Variants in DNAH11 observed in about 807,000 individuals in gnomAD.
DNAH11 encodes dynein axonemal heavy chain 11.
A neutral mutation model predicts 526.0 loss-of-function variants in DNAH11; 442 were observed. The observed-to-expected ratio is 0.84, with a 90% CI of 0.78 to 0.91. The LOEUF (loss-of-function observed/expected upper bound fraction) is 0.91, where lower values mean the gene tolerates loss of function less well. Among genes scored for constraint, DNAH11 ranks in the 40% least tolerant of loss-of-function variants. DNAH11 has a pLI of 0.00. For synonymous variants in DNAH11, 2,461 were observed against 1,935.9 expected, an observed-to-expected ratio of 1.27 and a Z score of -7.12; for missense variants, 6,989 against 5,448.7, an observed-to-expected ratio of 1.28 and a Z score of -8.90.
chr7:21,625,070 T>A (rs1023839441), intron 25 of DNAH11, among the ~76,000 whole-genome samples: 6 of 148,806 alleles, frequency 4.0e-5, no homozygotes, highest in Non-Finnish European at 9.0e-5. Context: ...TTGGAAGTAT[T>A]TCTCCTTAAG....
chr7:21,812,002 A>T (rs1327189792), intron 63 of DNAH11, among the ~76,000 whole-genome samples: 1 of 152,180 alleles, frequency 6.6e-6, no homozygotes, highest in African/African-American at 2.4e-5. Context: ...ATCGGAAGCC[A>T]GGGATGGGGG....
At chr7:21,558,658 C>T (rs1414736771) in intron 2 of DNAH11, 144 bp from the exon 3 acceptor site, 2 of 635,924 alleles carry the variant, frequency 3.1e-6, no homozygotes, top group East Asian at 5.7e-5. Context: ...AAATGGGTCA[C>T]TGACTTTATC....
intron 66 of DNAH11, among the ~76,000 whole-genome samples, chr7:21,848,166 C>CAAA (rs58058317): frequency 4.5e-5 from 4 of 88,986 alleles, no homozygotes; most frequent in African/African-American, 1.7e-4. Context: ...GACTCTGTTT[C>CAAA]AAAAAAAAAA....
At chr7:21,766,413 G>C (rs985625707) in intron 55 of DNAH11, among the ~76,000 whole-genome samples, 1 of 152,136 alleles carries the variant, frequency 6.6e-6, no homozygotes. Context: ...AAGGTGAAAG[G>C]TTCCTAGAAT....
chr7:21,668,689 A>G (rs1782518907), intron 30 of DNAH11, among the ~76,000 whole-genome samples: 1 of 152,192 alleles, frequency 6.6e-6, no homozygotes, highest in Non-Finnish European at 1.5e-5. Context: ...GTTATTGCTT[A>G]CTAATAATAC....
At position 21,880,868 on chromosome 7, in the gene DNAH11, A is replaced by G. The variant is rs1381771115; in HGVS notation, c.12362A>G (p.Tyr4121Cys). 2.5e-6 allele frequency: 4 copies of G among 1,609,314 alleles called. No homozygotes were observed. The highest frequency in any genetic ancestry group is 3.4e-6 in the Non-Finnish European group (4 of 1,178,804). The change falls in exon 75 of 82, where the codon TAC becomes TGC. Residue 4121 changes from tyrosine (Y) to cysteine (C), a missense_variant. By Grantham distance (194) the Tyr-to-Cys change is radical (BLOSUM62 -2). Coordinates refer to ENST00000409508, the MANE Select transcript of DNAH11 (RefSeq NM_001277115.2). The part of the protein sequence containing the change: ...GDLTICASVL[Y>C]NYLEANSKVP... ...CTCACCATTTGTGCCAGTGTCCTCT[A>G]CAACTACTTAGAGGCAAACTCTAAA...
intron 32 of DNAH11, 145 bp from the exon 33 acceptor site, chr7:21,686,954 C>A: frequency 1.6e-6 from 1 of 633,564 alleles, no homozygotes; most frequent in African/African-American, 1.9e-5. Flanking sequence ...TTCATTATTG[C>A]CATGAACAAA....
chr7:21,588,473 G>A lies in DNAH11; in HGVS notation c.1849-39G>A. 9 of 1,609,814 alleles carry A rather than the reference G, an allele frequency of 5.6e-6. 1 individual carries two copies. The highest frequency in any genetic ancestry group is 2.2e-5 in the South Asian group (2 of 90,544). On this transcript the variant is annotated intron_variant, in intron 10 of 81. Transcript: ENST00000409508. Reference sequence around the variant, plus strand: ...GGGTTGGAAACCATTCTGACTAAATGTTCCCTTTCTTCCTCTTCACCAAAA... The same window carrying A: ...GGGTTGGAAACCATTCTGACTAAATATTCCCTTTCTTCCTCTTCACCAAAA...
chr7:21,742,681 A>G (rs544691863), intron 49 of DNAH11, among the ~76,000 whole-genome samples: 1 of 152,346 alleles, frequency 6.6e-6, no homozygotes, highest in South Asian at 2.1e-4. Flanking sequence ...AAAACAGCTT[A>G]AAACTATGCT....
At position 21,599,838 on chromosome 7, in the gene DNAH11, T is replaced by C. The variant is rs752678376; in HGVS notation, c.2719T>C (p.Tyr907His). The change falls in exon 15 of 82, where the codon TAT becomes CAT. Residue 907 changes from tyrosine to histidine, a missense_variant. By Grantham distance (83) the Tyr-to-His change is moderately conservative. Coordinates refer to ENST00000409508, the MANE Select transcript of DNAH11 (RefSeq NM_001277115.2). ...ANPSLDTWKIYVEFIDDIVVE... is the reference protein window; with the variant it reads ...ANPSLDTWKIHVEFIDDIVVE... Reference sequence around the variant, plus strand: ...TCCCTCTCTGGATACCTGGAAAATTTATGTAGAATTCATTGACGACATTGT... The same window carrying C: ...TCCCTCTCTGGATACCTGGAAAATTCATGTAGAATTCATTGACGACATTGT... 1.3e-6 allele frequency: 2 copies of C among 1,595,188 alleles called. No individual in the cohort carries two copies. Among genetic ancestry groups the C allele is most frequent in the Non-Finnish European group, 1.7e-6 (2 of 1,167,916 alleles).
Position 21,786,818 on chromosome 7 carries a change from T to G in DNAH11, c.9741+51T>G, listed in dbSNP as rs1788215516. The G allele has an allele frequency of 7.5e-6, 12 of 1,606,276 alleles. No homozygotes were observed. The South Asian group carries it at 1.3e-4, about 18-fold the overall frequency. ...AAATCCTGATAATTTCCATACTGTTTTCAGTACTGTGGTTATGCTTAATAG... is the reference window on the plus strand; with the variant it reads ...AAATCCTGATAATTTCCATACTGTTGTCAGTACTGTGGTTATGCTTAATAG... On this transcript the variant is annotated intron_variant, in intron 59 of 81. Transcript: ENST00000409508.
At chr7:21,668,525 C>T (rs146303517) in intron 30 of DNAH11, among the ~76,000 whole-genome samples, 6 of 152,234 alleles carry the variant, frequency 3.9e-5, no homozygotes, top group African/African-American at 7.2e-5. Context: ...AATAAACTGT[C>T]CTTTATCTCT....
At chr7:21,589,571 A>G (rs76142702) in intron 12 of DNAH11, among the ~76,000 whole-genome samples, 168 bp downstream of exon 12, 1 of 152,144 alleles carries the variant, frequency 6.6e-6, no homozygotes, top group Admixed American at 6.5e-5. Flanking sequence ...TTGTTTCTCA[A>G]ATTCTACTAA....
intron 63 of DNAH11, among the ~76,000 whole-genome samples, chr7:21,809,852 C>G (rs1789432856): frequency 6.6e-6 from 1 of 152,160 alleles, no homozygotes; most frequent in Non-Finnish European, 1.5e-5. Flanking sequence ...AGGTGTGAAC[C>G]ACTACACCTG....
intron 41 of DNAH11, 105 bp downstream of exon 41, chr7:21,710,808 A>T: frequency 1.8e-6 from 2 of 1,100,140 alleles, no homozygotes; most frequent in Non-Finnish European, 2.5e-6. Context: ...TTAACCTGGG[A>T]TTCTTTATGT....
chr7:21,692,453 T>C (rs1783673680), intron 35 of DNAH11, among the ~76,000 whole-genome samples: 1 of 152,228 alleles, frequency 6.6e-6, no homozygotes, highest in Non-Finnish European at 1.5e-5. Flanking sequence ...CTGGCTTCTT[T>C]GAGCATTGTG....
At chr7:21,618,799 T>TA (rs1335140918) in intron 23 of DNAH11, among the ~76,000 whole-genome samples, 1 of 152,156 alleles carries the variant, frequency 6.6e-6, no homozygotes, top group Non-Finnish European at 1.5e-5. Flanking sequence ...AGATTCTCTT[T>TA]AAAAATGGGT....
rs753970328 is a variant in DNAH11, at chr7:21,894,947, C to T, written c.12997C>T (p.Pro4333Ser). 1 of 1,613,948 alleles carries T rather than the reference C, an allele frequency of 6.2e-7. No homozygotes were observed. Among genetic ancestry groups the T allele is most frequent in the Non-Finnish European group, 8.5e-7 (1 of 1,179,874 alleles). Residue 4333 changes from proline to serine, a missense_variant, in exon 79 of 82, where the codon CCA becomes TCA. Physicochemically the swap from Pro to Ser is moderately conservative, Grantham distance 74. Coordinates refer to ENST00000409508, the MANE Select transcript of DNAH11 (RefSeq NM_001277115.2). ...QQFALSYDTV[P>S]DTWSKLAYPS... is the part of the protein sequence containing the mutation. ...GTTTGCATTGAGTTATGACACGGTA[C>T]CAGACACTTGGAGCAAACTGGCTTA... is the stretch of plus-strand genomic sequence containing the variant.
intron 30 of DNAH11, among the ~76,000 whole-genome samples, chr7:21,672,647 G>T (rs1782689375): frequency 6.6e-6 from 1 of 152,196 alleles, no homozygotes. Context: ...CATGGCTTGG[G>T]TGTCCCCATA....
Sources: allele counts gnomAD v4.1 joint callset (sites outside exome capture counted in the v4.1 genomes callset), GRCh38; gene constraint gnomAD v4.1.1; transcripts MANE v1.5; gene names NCBI Gene and HGNC (gene_info 2026-07-23, HGNC 2026-07-21).